The following ADGRB3 variants were observed in gnomAD, a reference collection of about 807,000 sequenced individuals.
ADGRB3 encodes brain-specific angiogenesis inhibitor 3.
In ADGRB3, 37 loss-of-function variants were observed where a neutral mutation model predicts 193.4. The observed-to-expected ratio is 0.19, with a 90% confidence interval of 0.15 to 0.25. ADGRB3 has a LOEUF of 0.25. Among genes scored for constraint, ADGRB3 ranks in the 10% least tolerant of loss-of-function variants. The pLI is 1.00. For missense variants in ADGRB3, 1,637 were observed against 1,852.9 expected (o/e 0.88, Z 2.14); for synonymous variants, 690 against 644.2 (o/e 1.07, Z -1.08).
At chr6:69,305,647 GGACCA>G (rs34722797) in intron 20 of ADGRB3, among the ~76,000 whole-genome samples, 12,556 of 150,986 alleles carry the variant, frequency 0.083, 636 homozygotes, top group Middle Eastern at 0.11. Context: ...GTCAACACAG[GGACCA>G]GACCTACAGC....
intron 3 of ADGRB3, among the ~76,000 whole-genome samples, chr6:68,750,052 A>G (rs759400429): frequency 9.9e-5 from 15 of 152,204 alleles, no homozygotes; most frequent in Non-Finnish European, 2.2e-4. Flanking sequence ...AAAAAAATAC[A>G]TTAGAATATC....
chr6:68,901,944 T>A (rs772359293), intron 3 of ADGRB3, among the ~76,000 whole-genome samples: 2 of 152,158 alleles, frequency 1.3e-5, no homozygotes, highest in African/African-American at 4.8e-5. Context: ...AGTGGTGACA[T>A]TGGCAATATT....
At chr6:69,200,595 T>C (rs542632680) in intron 17 of ADGRB3, among the ~76,000 whole-genome samples, 3 of 152,240 alleles carry the variant, frequency 2.0e-5, no homozygotes, top group South Asian at 2.1e-4. Flanking sequence ...ACCAAAGATA[T>C]AATGTTTCTG....
chr6:68,693,086 T>A (rs909782699), intron 3 of ADGRB3, among the ~76,000 whole-genome samples: 2 of 151,900 alleles, frequency 1.3e-5, no homozygotes, highest in Admixed American at 6.6e-5. Flanking sequence ...TGGAACTGAA[T>A]GTTTTTTATG....
At chr6:68,704,607 G>A (rs1324547230) in intron 3 of ADGRB3, among the ~76,000 whole-genome samples, 1 of 152,102 alleles carries the variant, frequency 6.6e-6, no homozygotes, top group African/African-American at 2.4e-5. Context: ...TAAGCAGAGT[G>A]TACATATTTG....
At chr6:69,217,897 T>G (rs535337985) in intron 17 of ADGRB3, among the ~76,000 whole-genome samples, 1 of 148,420 alleles carries the variant, frequency 6.7e-6, no homozygotes, top group Non-Finnish European at 1.5e-5. Context: ...GACAGACAGG[T>G]ATTCAGTTTT....
chr6:69,028,573 T>TG (rs1770509801), intron 13 of ADGRB3, among the ~76,000 whole-genome samples: 2 of 152,178 alleles, frequency 1.3e-5, no homozygotes, highest in African/African-American at 4.8e-5. Flanking sequence ...TTAACTGCTG[T>TG]GAAAAAAAGA....
At chr6:69,009,292 A>G (rs1769862921) in intron 11 of ADGRB3, among the ~76,000 whole-genome samples, 2 of 152,156 alleles carry the variant, frequency 1.3e-5, no homozygotes, top group African/African-American at 2.4e-5. Context: ...AGAAAATATC[A>G]GACTGTATAA....
intron 3 of ADGRB3, among the ~76,000 whole-genome samples, chr6:68,659,711 A>G (rs750470582): frequency 1.1e-3 from 160 of 151,092 alleles, no homozygotes; most frequent in Admixed American, 6.6e-4. Context: ...TAGGTACACG[A>G]TTAAAAATAT....
chr6:69,119,896 G>C (rs893066831), intron 17 of ADGRB3, among the ~76,000 whole-genome samples: 8 of 152,166 alleles, frequency 5.3e-5, no homozygotes, highest in Middle Eastern at 3.2e-3. Context: ...AATAACTACT[G>C]TGTTGGCAAT....
intron 3 of ADGRB3, among the ~76,000 whole-genome samples, chr6:68,928,068 T>C (rs964895431): frequency 8.7e-6 from 1 of 115,298 alleles, no homozygotes; most frequent in African/African-American, 3.3e-5. Flanking sequence ...ATTTCTAGGA[T>C]ATTGAAATTT....
rs189601700 is a variant in ADGRB3 at position 69,369,139 on chromosome 6, A to G, written c.4240-3267A>G. ...TTATCAGAAAAATTGTTATGGCTTG[A>G]CCACTTTTCTCAGTTGGTTCTTAAT... On this transcript the variant is annotated intron_variant, in intron 29 of 31. Coordinates refer to ENST00000370598, the MANE Select transcript of ADGRB3 (RefSeq NM_001704.3). Among the ~76,000 whole-genome samples the G allele has an allele frequency of 1.6e-4, 24 of 152,216 alleles. No homozygotes were observed. In the East Asian group the frequency reaches 4.4e-3, roughly 28 times the overall value.
intron 5 of ADGRB3, among the ~76,000 whole-genome samples, chr6:68,937,094 C>G (rs141539110): frequency 2.0e-5 from 3 of 152,170 alleles, no homozygotes; most frequent in Non-Finnish European, 4.4e-5. Flanking sequence ...AGCAGTTTTT[C>G]TATCACTTAT....
At chr6:68,788,003 C>T (rs562513683) in intron 3 of ADGRB3, among the ~76,000 whole-genome samples, 74 of 151,974 alleles carry the variant, frequency 4.9e-4, no homozygotes, top group African/African-American at 1.7e-3. Flanking sequence ...TGGTGATATC[C>T]CCTTTATCAT....
intron 17 of ADGRB3, among the ~76,000 whole-genome samples, chr6:69,151,132 G>A (rs901439665): frequency 2.0e-5 from 3 of 152,162 alleles, no homozygotes; most frequent in African/African-American, 4.8e-5. Context: ...CAGGTTGCAT[G>A]CCCCACCAAG....
At chr6:69,002,622 G>A (rs983910478) in intron 11 of ADGRB3, among the ~76,000 whole-genome samples, 4 of 152,146 alleles carry the variant, frequency 2.6e-5, no homozygotes, top group Non-Finnish European at 5.9e-5. Context: ...AGACCTTGGA[G>A]TATGGTTTCT....
At chr6:69,087,904 C>T (rs780128300) in intron 17 of ADGRB3, among the ~76,000 whole-genome samples, 9 of 152,184 alleles carry the variant, frequency 5.9e-5, no homozygotes, top group East Asian at 3.9e-4. Context: ...ATGTATTTCC[C>T]GTGTTAATAG....
intron 20 of ADGRB3, among the ~76,000 whole-genome samples, chr6:69,252,587 T>C (rs1260932588): frequency 1.3e-5 from 2 of 152,140 alleles, no homozygotes; most frequent in East Asian, 3.8e-4. Context: ...TAATTTACAT[T>C]CCTCTAATAA....
chr6:69,333,848 T>C lies in ADGRB3; in HGVS notation c.3188+840T>C, dbSNP rs189618624. On this transcript the variant is annotated intron_variant, in intron 24 of 31. Coordinates refer to ENST00000370598, the MANE Select transcript of ADGRB3 (RefSeq NM_001704.3). ...GGGAGGCTGAGGCAGGAGAATGGCG[T>C]GAACCTGGGAGGCGGAGCTTGCAGA... 8.7e-3 allele frequency among the ~76,000 whole-genome samples: 1,311 copies of C among 150,584 alleles called. 20 individuals are homozygous for C. The highest frequency in any genetic ancestry group is 0.031 in the African/African-American group (1,252 of 40,948).
Sources: gnomAD v4.1 joint callset for allele counts (sites outside exome capture counted in the v4.1 genomes callset) on GRCh38, gnomAD v4.1.1 for gene constraint, MANE v1.5 for transcripts, NCBI Gene and HGNC (gene_info 2026-07-23, HGNC 2026-07-21) for gene names.